SEZ6L: variants seen among roughly 807,000 people sequenced by gnomAD.
SEZ6L encodes seizure 6-like protein.
A neutral mutation model predicts 106.2 loss-of-function variants in SEZ6L; 37 were observed. That is an observed-to-expected ratio of 0.35 (90% CI 0.27 to 0.46). SEZ6L has a LOEUF of 0.46. SEZ6L is among the 20% of genes least tolerant of loss of function. SEZ6L has a pLI of 1.00. For missense variants in SEZ6L, 1,172 were observed against 1,332.8 expected, an observed-to-expected ratio of 0.88 and a Z score of 1.88; for synonymous variants, 541 against 570.4, an observed-to-expected ratio of 0.95 and a Z score of 0.73.
At chr22:26,276,929 G>A (rs555206215) in intron 1 of SEZ6L, among the ~76,000 whole-genome samples, 17 of 152,276 alleles carry the variant, frequency 1.1e-4, no homozygotes, top group South Asian at 4.2e-4. Context: ...GCTCATTCAC[G>A]AGGAAGATGG....
chr22:26,212,919 C>T lies in SEZ6L; in HGVS notation c.94+43156C>T, dbSNP rs531948578. 2.2e-4 allele frequency among the ~76,000 whole-genome samples: 33 copies of T among 152,220 alleles called. No homozygotes were observed. In the East Asian group the frequency reaches 4.8e-3, roughly 22 times the overall value. On this transcript the variant is annotated intron_variant, in intron 1 of 16. Transcript: ENST00000248933. ...ACCTCAGCCTTGGGGTCAGAACTCC[C>T]GTGCTTGGGATGGGGGTTGGCAAAA... is the stretch of plus-strand genomic sequence containing the variant.
intron 13 of SEZ6L, among the ~76,000 whole-genome samples, chr22:26,372,470 CA>C (rs1387671254): frequency 2.0e-5 from 3 of 152,164 alleles, no homozygotes; most frequent in African/African-American, 7.2e-5. Flanking sequence ...GCTAGCTTTT[CA>C]GCTGGTTTTG....
At chr22:26,222,140 A>C (rs569813436) in intron 1 of SEZ6L, among the ~76,000 whole-genome samples, 1 of 152,216 alleles carries the variant, frequency 6.6e-6, no homozygotes, top group South Asian at 2.1e-4. Flanking sequence ...AGACTTACTA[A>C]ATCAGAAACT....
At chr22:26,215,850 G>A (rs1369446076) in intron 1 of SEZ6L, among the ~76,000 whole-genome samples, 1 of 152,172 alleles carries the variant, frequency 6.6e-6, no homozygotes, top group Non-Finnish European at 1.5e-5. Flanking sequence ...GAAACGTTTA[G>A]GGCATCTTGA....
At chr22:26,340,711 C>A in intron 10 of SEZ6L, 79 bp downstream of exon 10, 1 of 1,159,684 alleles carries the variant, frequency 8.6e-7, no homozygotes, top group Non-Finnish European at 1.2e-6. Flanking sequence ...GGTTATTTGG[C>A]AGTTTTGTAC....
chr22:26,322,336 G>A (rs1780610294), intron 9 of SEZ6L, among the ~76,000 whole-genome samples: 1 of 152,104 alleles, frequency 6.6e-6, no homozygotes, highest in Admixed American at 6.6e-5. Flanking sequence ...CCACTGACTT[G>A]AACAGCTTTC....
At chr22:26,211,804 T>TAAAAAA (rs56124325) in intron 1 of SEZ6L, among the ~76,000 whole-genome samples, 3 of 48,082 alleles carry the variant, frequency 6.2e-5, no homozygotes, top group African/African-American at 2.6e-4. Flanking sequence ...ACCTCGTCTC[T>TAAAAAA]AAAAAAAAAA....
intron 1 of SEZ6L, among the ~76,000 whole-genome samples, chr22:26,282,834 A>G (rs1267316591): frequency 2.0e-5 from 3 of 152,194 alleles, no homozygotes; most frequent in Non-Finnish European, 2.9e-5. Flanking sequence ...GGCAGGGTAA[A>G]TAGGTTCAGA....
chr22:26,291,953 T>C (rs1391281497), intron 1 of SEZ6L, among the ~76,000 whole-genome samples: 1 of 147,960 alleles, frequency 6.8e-6, no homozygotes, highest in East Asian at 2.0e-4. Context: ...AGTCCTGGCA[T>C]GATCAAGCCC....
intron 9 of SEZ6L, among the ~76,000 whole-genome samples, chr22:26,326,573 G>A (rs1156661615): frequency 4.6e-5 from 7 of 152,172 alleles, no homozygotes; most frequent in Non-Finnish European, 7.3e-5. Context: ...AATAGATGAG[G>A]ACAGTGATCC....
intron 9 of SEZ6L, among the ~76,000 whole-genome samples, chr22:26,340,000 C>T (rs193086754): frequency 1.3e-5 from 2 of 152,114 alleles, no homozygotes; most frequent in Non-Finnish European, 2.9e-5. Context: ...ATTGGGAGGC[C>T]GAGGTGGGCA....
At position 26,292,940 on chromosome 22, in the gene SEZ6L, A is replaced by G. The variant is rs2081183723; in HGVS notation, c.629A>G (p.Tyr210Cys). The change falls in exon 2 of 17, where the codon TAT becomes TGT. Residue 210 changes from tyrosine to cysteine, a missense_variant. Coordinates refer to ENST00000248933, the MANE Select transcript of SEZ6L (RefSeq NM_021115.5). ...ATCTCCCCCTTCACTTCGCAGCCCT[A>G]TGTGGCCCACACACTCCCCCAGAGG... is the stretch of plus-strand genomic sequence containing the variant. ...LQISPFTSQPYVAHTLPQRPE... is the reference protein window; with the variant it reads ...LQISPFTSQPCVAHTLPQRPE... 1.4e-5 allele frequency: 23 copies of G among 1,614,012 alleles called. No homozygotes were observed. Among genetic ancestry groups the G allele is most frequent in the Non-Finnish European group, 1.9e-5 (23 of 1,179,980 alleles).
chr22:26,348,648 A>AAAGAAAGAAAGAAAAAGAAAGAAAGAAAG, intron 11 of SEZ6L, among the ~76,000 whole-genome samples: 1 of 18,594 alleles, frequency 5.4e-5, no homozygotes, highest in African/African-American at 2.4e-4. Context: ...AAGAAAGAAA[A>AAAGAAAGAAAGAAAAAGAAAGAAAGAAAG]AGAAAGAAAG....
intron 4 of SEZ6L, 109 bp from the exon 5 acceptor site, chr22:26,298,875 A>G (rs956484983): frequency 4.4e-5 from 44 of 1,000,028 alleles, no homozygotes; most frequent in African/African-American, 1.5e-4. Flanking sequence ...TGGAGTCCCC[A>G]GGGGCCTCAT....
intron 12 of SEZ6L, among the ~76,000 whole-genome samples, chr22:26,362,642 G>T (rs555614627): frequency 1.3e-5 from 2 of 152,204 alleles, no homozygotes; most frequent in African/African-American, 2.4e-5. Context: ...TGCTGGGCAT[G>T]AAGTAAGCAC....
At chr22:26,177,077 G>T (rs134758) in intron 1 of SEZ6L, among the ~76,000 whole-genome samples, 103,402 of 152,082 alleles carry the variant, frequency 0.68, 36,888 homozygotes, top group African/African-American at 0.91. Context: ...TATGTTAAAT[G>T]ACTTTTCCTC....
rs80190860 is a variant in SEZ6L at position 26,297,900 on chromosome 22, C to A, written c.1162+820C>A. ...TCCACCCCGATTTCCTCCTATGCAG[C>A]TCCCATGACCTCAGGTCTCCTTTGC... On this transcript the variant is annotated intron_variant, in intron 4 of 16. Transcript: ENST00000248933. Among the ~76,000 whole-genome samples, 219 of 151,960 alleles carry A rather than the reference C, an allele frequency of 1.4e-3. 3 individuals carry two copies. The highest frequency in any genetic ancestry group is 4.9e-3 in the African/African-American group (204 of 41,390).
At chr22:26,185,487 T>A (rs1378997266) in intron 1 of SEZ6L, among the ~76,000 whole-genome samples, 1 of 152,078 alleles carries the variant, frequency 6.6e-6, no homozygotes, top group Non-Finnish European at 1.5e-5. Context: ...GGACTATGAG[T>A]TAAAATCACA....
intron 1 of SEZ6L, among the ~76,000 whole-genome samples, chr22:26,220,930 T>C (rs138246146): frequency 5.4e-4 from 82 of 150,728 alleles, no homozygotes; most frequent in African/African-American, 1.9e-3. Flanking sequence ...GATGGATGGG[T>C]GGATGGATGG....
Sources: allele counts gnomAD v4.1 joint callset (sites outside exome capture counted in the v4.1 genomes callset), GRCh38; gene constraint gnomAD v4.1.1; transcripts MANE v1.5; gene names NCBI Gene and HGNC (gene_info 2026-07-23, HGNC 2026-07-21).